C4orf50: variants seen among roughly 807,000 people sequenced by gnomAD.
C4orf50 encodes the protein chromosome 4 open reading frame 50, also known as uncharacterized protein C4orf50.
Under a neutral mutation model 77.2 loss-of-function variants are expected in C4orf50, and 80 were observed. That is an observed-to-expected ratio of 1.04 (90% confidence interval 0.87 to 1.25). The LOEUF (loss-of-function observed/expected upper bound fraction) is 1.25. Among genes scored for constraint, C4orf50 ranks in the 50% most tolerant of loss-of-function variants. The pLI is 0.00. For missense variants in C4orf50, 1,257 were observed against 1,152.9 expected (o/e 1.09, Z -1.31); for synonymous variants, 532 against 465.3 (o/e 1.14, Z -1.84).
rs1007597880 is a variant in C4orf50, at chr4:5,989,163, A to G, written c.2883T>C (p.Leu961=). 14 of 1,534,962 alleles carry G rather than the reference A, an allele frequency of 9.1e-6. No homozygotes were observed. The Admixed American group carries it at 2.6e-4, about 28-fold the overall frequency. The change falls in exon 28 of 34, where the codon CTT becomes CTC. Residue 961 remains leucine, a synonymous_variant. Transcript: ENST00000531445. ...TCACCTCTCTCTCTCTCTCTCTTTC[A>G]AGGGCGCACACTCTTTCATGGAACC...
Position 5,945,768 on chromosome 4 carries a change from G to A in C4orf50, c.*2474+11133C>T, listed in dbSNP as rs963932064. ...ATTTTTCTTGACCAGCTGGCAGGCT[G>A]GGCCCTGGGCTGGGCTGGACCCTGG... is the stretch of plus-strand genomic sequence containing the variant. On this transcript the variant is annotated intron_variant, in intron 7 of 7. Transcript: ENST00000324058. Among the ~76,000 whole-genome samples, 6 of 152,278 alleles carry A rather than the reference G, an allele frequency of 3.9e-5. 1 individual carries two copies. The highest frequency in any genetic ancestry group is 1.4e-4 in the African/African-American group (6 of 41,566).
chr4:5,918,881 C>T (rs1717145018), intron 7 of C4orf50, among the ~76,000 whole-genome samples: 1 of 151,994 alleles, frequency 6.6e-6, no homozygotes, highest in Admixed American at 6.5e-5. Flanking sequence ...ATGGAGTCTC[C>T]TGGCGGGGGA....
chr4:5,984,111 G>A (rs527336407), intron 28 of C4orf50, among the ~76,000 whole-genome samples: 1 of 152,342 alleles, frequency 6.6e-6, no homozygotes, highest in East Asian at 1.9e-4. Context: ...CACCTTAGGA[G>A]TAATATCAAG....
At chr4:5,994,403 T>C (rs1721462330) in exon 26 of C4orf50, 2 of 399,214 alleles carry the variant, frequency 5.0e-6, no homozygotes, top group Non-Finnish European at 8.8e-6. Flanking sequence ...CCGCCAGTCT[T>C]GGCTTCTGCA....
chr4:5,988,613 A>C (rs1455807775), exon 28 of C4orf50: 1 of 1,536,088 alleles, frequency 6.5e-7, no homozygotes, highest in South Asian at 1.2e-5. Context: ...CAGGCTCTTG[A>C]AAGCAGCTGT....
In C4orf50 at chr4:5,901,955, A is replaced by C. The variant is rs1401824092; in HGVS notation, c.*2475-3767T>G. 1 of 152,256 alleles carries C rather than the reference A, an allele frequency of 6.6e-6. No homozygotes were observed. The highest frequency in any genetic ancestry group is 2.4e-5 in the African/African-American group (1 of 41,468). The allele number at this position is 152,256 out of a possible 1,614,324, so 9.4% of individuals were successfully genotyped here. On this transcript the variant is annotated intron_variant, in intron 7 of 7. Transcript: ENST00000324058. The surrounding 1 kb of genome is among the most constrained non-coding windows in gnomAD (Gnocchi z 4.4). ...CAGAAGAGGCCCTTAATGAGTACTC[A>C]TGGAGCGACTGAGCAGACTTACGCG...
chr4:5,942,550 AAAT>A (rs899847812), intron 7 of C4orf50, among the ~76,000 whole-genome samples: 13 of 152,338 alleles, frequency 8.5e-5, no homozygotes, highest in Admixed American at 2.0e-4. Flanking sequence ...AATTTTACTG[AAAT>A]AATAATAACA....
chr4:5,990,018 A>G, exon 28 of C4orf50: 3 of 1,384,384 alleles, frequency 2.2e-6, no homozygotes, highest in African/African-American at 2.9e-5. Flanking sequence ...CTTTGGTCTC[A>G]TGAGCCCTGG....
chr4:5,989,774 C>T lies in C4orf50; in HGVS notation c.2272G>A (p.Glu758Lys), dbSNP rs562804511. ...GTCTCTCCTGCAAAGAAAAGCATTT[C>T]CTTGCTCTCATGTTCCTGGGAGTCA... The change falls in exon 28 of 34, where the codon GAA (glutamate) becomes AAA (lysine). Residue 758 changes from glutamate to lysine, a missense_variant. Coordinates refer to ENST00000531445, the Ensembl canonical transcript of C4orf50. The T allele has an allele frequency of 5.2e-6, 8 of 1,527,260 alleles. No individual in the cohort carries two copies. In the Admixed American group the frequency reaches 7.9e-5, roughly 15 times the overall value. The allele number at this position is 1,527,260 out of a possible 1,614,324, so 94.6% of individuals were successfully genotyped here.
rs1327219971 is a variant in C4orf50 at position 6,009,789 on chromosome 4, G to A, written c.427-1257C>T. On this transcript the variant is annotated intron_variant, in intron 24 of 33. Coordinates refer to ENST00000531445, the Ensembl canonical transcript of C4orf50. This position sits in a 1 kb window ranked among gnomAD's most constrained non-coding sequence, Gnocchi z 5.6. ...GCTTCAAAATACAGATGTTTGCAGC[G>A]AGAGATTTAGGGTTAGAGGGTTGGG... is the stretch of plus-strand genomic sequence containing the variant. Among the ~76,000 whole-genome samples the A allele has an allele frequency of 2.0e-5, 3 of 152,174 alleles. No homozygotes were observed. Among genetic ancestry groups the A allele is most frequent in the Non-Finnish European group, 4.4e-5 (3 of 68,028 alleles).
intron 28 of C4orf50, among the ~76,000 whole-genome samples, chr4:5,983,026 G>C (rs185633842): frequency 1.3e-4 from 20 of 152,236 alleles, no homozygotes; most frequent in Admixed American, 4.6e-4. Flanking sequence ...AGCCACAGAG[G>C]GTTTTCGGTC....
At chr4:6,006,050 A>G (rs1722239116) in intron 25 of C4orf50, among the ~76,000 whole-genome samples, 1 of 152,228 alleles carries the variant, frequency 6.6e-6, no homozygotes, top group Non-Finnish European at 1.5e-5. Flanking sequence ...CAAGTTGCCA[A>G]TGTTATACAC....
intron 25 of C4orf50, among the ~76,000 whole-genome samples, chr4:6,001,493 T>A (rs2108801119): frequency 6.6e-6 from 1 of 152,302 alleles, no homozygotes; most frequent in East Asian, 1.9e-4. Flanking sequence ...GGGAGACAAT[T>A]ACCGCTATTT....
intron 33 of C4orf50, among the ~76,000 whole-genome samples, chr4:5,959,988 A>G (rs2108762840): frequency 6.6e-6 from 1 of 152,288 alleles, no homozygotes; most frequent in South Asian, 2.1e-4. Flanking sequence ...CCTTCCCTTG[A>G]AAGGGGAAGT....
downstream of C4orf50, among the ~76,000 whole-genome samples, chr4:5,952,117 AG>A (rs1279959084): frequency 6.6e-6 from 1 of 152,188 alleles, no homozygotes; most frequent in Non-Finnish European, 1.5e-5. The surrounding 1 kb of genome is among the most constrained non-coding windows in gnomAD (Gnocchi z 4.4). Context: ...GGGAGGAGCC[AG>A]GCACTGTTCT....
At chr4:5,938,929 C>G (rs1289676813) in intron 7 of C4orf50, among the ~76,000 whole-genome samples, 1 of 152,092 alleles carries the variant, frequency 6.6e-6, no homozygotes, top group Non-Finnish European at 1.5e-5. Flanking sequence ...GCTCATGCTT[C>G]TCTGCTTTTT....
chr4:5,911,130 C>T (rs1048310640), intron 7 of C4orf50, among the ~76,000 whole-genome samples: 1 of 152,054 alleles, frequency 6.6e-6, no homozygotes, highest in Non-Finnish European at 1.5e-5. Flanking sequence ...AGGATGGTCT[C>T]GATCTCCTGA....
chr4:5,955,184 A>G (rs959502479), downstream of C4orf50, among the ~76,000 whole-genome samples: 41 of 152,196 alleles, frequency 2.7e-4, no homozygotes, highest in Non-Finnish European at 1.2e-4. The surrounding 1 kb of genome is among the most constrained non-coding windows in gnomAD (Gnocchi z 5.1). Flanking sequence ...CGGCACTTCC[A>G]TAGCTCTAAG....
Position 5,944,699 on chromosome 4 carries a change from T to C in C4orf50, c.*2474+12202A>G, listed in dbSNP as rs149510857. 7.6e-3 allele frequency among the ~76,000 whole-genome samples: 1,155 copies of C among 151,932 alleles called. 8 individuals carry two copies. Among genetic ancestry groups the C allele is most frequent in the Admixed American group, 0.011 (163 of 15,284 alleles). ...CATGAACCAGATGCACCCACGCCCT[T>C]AAGGAGCAGGCAGCCTGCTGGGAGA... On this transcript the variant is annotated intron_variant, in intron 7 of 7. Transcript: ENST00000324058.
Sources: gnomAD v4.1 joint callset for allele counts (sites outside exome capture counted in the v4.1 genomes callset) on GRCh38, gnomAD v4.1.1 for gene constraint, Gnocchi (gnomAD v3.1) non-coding constraint, MANE v1.5 for transcripts, NCBI Gene and HGNC (gene_info 2026-07-23, HGNC 2026-07-21) for gene names.